Variants in TTC7B observed in about 807,000 individuals in gnomAD.
The protein encoded by TTC7B is tetratricopeptide repeat domain 7B.
A neutral mutation model predicts 106.8 loss-of-function variants in TTC7B; 28 were observed. The ratio of observed to expected loss-of-function variants is 0.26; its 90% confidence interval spans 0.19 to 0.36. The LOEUF is 0.36. Ranked by LOEUF, TTC7B falls within the 10% of genes least tolerant of loss-of-function variation. The pLI is 1.00. For missense variants in TTC7B, 862 were observed against 1,076.4 expected (o/e 0.80, Z 2.79); for synonymous variants, 405 against 430.6 (o/e 0.94, Z 0.74).
intron 18 of TTC7B, among the ~76,000 whole-genome samples, chr14:90,593,046 T>G (rs1277144787): frequency 6.6e-6 from 1 of 152,174 alleles, no homozygotes; most frequent in Non-Finnish European, 1.5e-5. Flanking sequence ...TCATCAACCC[T>G]GGGAGATGGG....
intron 1 of TTC7B, among the ~76,000 whole-genome samples, chr14:90,793,743 G>A (rs1891670787): frequency 6.6e-6 from 1 of 150,986 alleles, no homozygotes. Context: ...CGAGTAGCTG[G>A]GATTACAGGC....
intron 9 of TTC7B, among the ~76,000 whole-genome samples, chr14:90,675,489 C>A (rs763933438): frequency 6.6e-6 from 1 of 152,116 alleles, no homozygotes; most frequent in African/African-American, 2.4e-5. Context: ...GGGGCTGAGC[C>A]GCATGTGGTG....
chr14:90,542,183 C>T (rs924136769), intron 19 of TTC7B, among the ~76,000 whole-genome samples: 4 of 152,204 alleles, frequency 2.6e-5, no homozygotes, highest in African/African-American at 4.8e-5. Flanking sequence ...TCGTGATCTG[C>T]CCACCTCGGC....
intron 3 of TTC7B, among the ~76,000 whole-genome samples, chr14:90,751,076 CT>C (rs1030159674): frequency 3.9e-5 from 6 of 152,116 alleles, no homozygotes; most frequent in Non-Finnish European, 8.8e-5. Context: ...TACTTATTTT[CT>C]TTTTTCCAGA....
intron 19 of TTC7B, among the ~76,000 whole-genome samples, chr14:90,559,336 T>C (rs1890469606): frequency 6.6e-6 from 1 of 152,226 alleles, no homozygotes; most frequent in African/African-American, 2.4e-5. Flanking sequence ...ACAGCACATA[T>C]TGCTTCTGCA....
intron 17 of TTC7B, among the ~76,000 whole-genome samples, chr14:90,596,825 T>A (rs780659308): frequency 6.6e-6 from 1 of 152,254 alleles, no homozygotes; most frequent in Non-Finnish European, 1.5e-5. Context: ...ATTAGGTAAA[T>A]GAGTGTGCAG....
chr14:90,608,978 A>G lies in TTC7B; in HGVS notation c.1966+1764T>C, dbSNP rs1318513242. 2.6e-5 allele frequency among the ~76,000 whole-genome samples: 4 copies of G among 152,196 alleles called. No individual in the cohort carries two copies. The highest frequency in any genetic ancestry group is 9.6e-5 in the African/African-American group (4 of 41,454). The stretch of plus-strand genomic sequence containing the variant: ...GTAGCCACAGCAGCTGTTTTGAATC[A>G]GCTGAAATTGCTGCTGGTGCTATAG... On this transcript the variant is annotated intron_variant, in intron 17 of 19. Coordinates refer to ENST00000328459, the MANE Select transcript of TTC7B (RefSeq NM_001010854.2). The surrounding 1 kb of genome is among the most constrained non-coding windows in gnomAD (Gnocchi z 5.1).
intron 4 of TTC7B, among the ~76,000 whole-genome samples, chr14:90,739,541 T>C (rs17794352): frequency 0.18 from 27,075 of 152,164 alleles, 2,540 homozygotes; most frequent in Middle Eastern, 0.2. Context: ...ACTCAAGGCA[T>C]GGCCAGGCTG....
At position 90,636,616 on chromosome 14, in the gene TTC7B, C is replaced by T. The variant is rs189100163; in HGVS notation, c.1751+7432G>A. 3.3e-5 allele frequency among the ~76,000 whole-genome samples: 5 copies of T among 152,000 alleles called. No individual in the cohort carries two copies. The East Asian group carries it at 7.7e-4, about 23-fold the overall frequency. ...AAATGCAGAAAACATTCTTTTCAGG[C>T]ACACATGGAATATTTACAAGAAGTA... On this transcript the variant is annotated intron_variant, in intron 15 of 19. Coordinates refer to ENST00000328459, the MANE Select transcript of TTC7B (RefSeq NM_001010854.2).
chr14:90,749,743 T>C (rs370639661), intron 3 of TTC7B, among the ~76,000 whole-genome samples: 44 of 152,360 alleles, frequency 2.9e-4, no homozygotes, highest in Admixed American at 2.6e-4. Flanking sequence ...TTGGATAATT[T>C]CTATTGCTAT....
chr14:90,618,052 T>A lies in TTC7B; in HGVS notation c.1752-7A>T, dbSNP rs2296398. The A allele has an allele frequency of 2.5e-6, 4 of 1,605,560 alleles. No individual in the cohort carries two copies. In the East Asian group the frequency reaches 8.9e-5, roughly 36 times the overall value. On this transcript the variant is annotated splice_region_variant and splice_polypyrimidine_tract_variant and intron_variant, in intron 15 of 19. Coordinates refer to ENST00000328459, the MANE Select transcript of TTC7B (RefSeq NM_001010854.2). Reference sequence around the variant, plus strand: ...CACTTTGGAAAACAGTAGTCTGCAGTGGGGAGACAAAGGGAGAAAACACCA... The same window carrying A: ...CACTTTGGAAAACAGTAGTCTGCAGAGGGGAGACAAAGGGAGAAAACACCA...
chr14:90,715,353 G>A (rs1251372324), intron 5 of TTC7B, among the ~76,000 whole-genome samples: 1 of 152,130 alleles, frequency 6.6e-6, no homozygotes, highest in Non-Finnish European at 1.5e-5. Flanking sequence ...GGATATAGGA[G>A]AAGACCCAGA....
chr14:90,544,818 C>CA (rs1360372002), intron 19 of TTC7B, among the ~76,000 whole-genome samples: 2 of 152,188 alleles, frequency 1.3e-5, no homozygotes, highest in East Asian at 3.9e-4. Context: ...ACTAAATACA[C>CA]ACAACAGGTT....
In TTC7B at chr14:90,805,900, G is replaced by A. The variant is rs988381844; in HGVS notation, c.121+10275C>T. Among the ~76,000 whole-genome samples the A allele has an allele frequency of 2.6e-5, 4 of 152,202 alleles. No individual in the cohort carries two copies. The highest frequency in any genetic ancestry group is 9.6e-5 in the African/African-American group (4 of 41,454). On this transcript the variant is annotated intron_variant, in intron 1 of 19. Transcript: ENST00000328459. This position sits in a 1 kb window ranked among gnomAD's most constrained non-coding sequence, Gnocchi z 4.0. ...GATCCCCCGGGGAAGGTGGGGCTGT[G>A]GCCTTTGCCTCTGGAAGGGACTGCC...
intron 3 of TTC7B, among the ~76,000 whole-genome samples, chr14:90,768,849 A>G (rs1351947115): frequency 6.6e-6 from 1 of 152,274 alleles, no homozygotes; most frequent in Non-Finnish European, 1.5e-5. Flanking sequence ...ACTTTTTATT[A>G]TCTGCATGAC....
At chr14:90,640,003 G>T (rs1885103765) in intron 15 of TTC7B, among the ~76,000 whole-genome samples, 1 of 152,192 alleles carries the variant, frequency 6.6e-6, no homozygotes, top group African/African-American at 2.4e-5. Flanking sequence ...TACACGCCGG[G>T]TGCGGTAGCT....
intron 16 of TTC7B, among the ~76,000 whole-genome samples, 172 bp from the exon 17 acceptor site, chr14:90,611,011 G>A (rs748759049): frequency 7.9e-5 from 12 of 152,192 alleles, no homozygotes; most frequent in Non-Finnish European, 1.8e-4. Flanking sequence ...GGCCTGGGCT[G>A]CGATTCCTTT....
chr14:90,645,256 T>C (rs1279364724), intron 14 of TTC7B: 2 of 152,226 alleles, frequency 1.3e-5, no homozygotes, highest in East Asian at 3.8e-4. Context: ...TTTTCCTCAA[T>C]GAACTTCTTT....
chr14:90,541,626 T>C (rs1395257606), intron 19 of TTC7B, 37 bp from the exon 20 acceptor site: 1 of 1,497,948 alleles, frequency 6.7e-7, no homozygotes, highest in South Asian at 1.3e-5. Context: ...CAGTCAGCCA[T>C]GGAGGCTTCA....
Sources: allele counts gnomAD v4.1 joint callset (sites outside exome capture counted in the v4.1 genomes callset), GRCh38; gene constraint gnomAD v4.1.1; non-coding constraint Gnocchi (gnomAD v3.1); transcripts MANE v1.5; gene names NCBI Gene and HGNC (gene_info 2026-07-23, HGNC 2026-07-21).